The following DDX23 variants were observed in gnomAD, a reference collection of about 807,000 sequenced individuals.
DDX23 encodes the protein probable ATP-dependent RNA helicase DDX23.
DDX23 carries 33 observed loss-of-function variants against 102.7 expected under a neutral mutation model. That is an observed-to-expected ratio of 0.32 (90% CI 0.24 to 0.43). DDX23 has a LOEUF of 0.43. DDX23 is among the 20% of genes least tolerant of loss of function. DDX23 has a pLI of 1.00. For synonymous variants in DDX23, 352 were observed against 376.0 expected (o/e 0.94, Z 0.74); for missense variants, 549 against 1,086.6 (o/e 0.51, Z 6.96).
At position 48,830,554 on chromosome 12, in the gene DDX23, G is replaced by C. The variant is rs1029623403; in HGVS notation, c.2378C>G (p.Pro793Arg). The C allele has an allele frequency of 6.2e-7, 1 of 1,613,854 alleles. No homozygotes were observed. The highest frequency in any genetic ancestry group is 8.5e-7 in the Non-Finnish European group (1 of 1,180,012). The change falls in exon 17 of 17, where the codon CCC (proline) becomes CGC (arginine). Residue 793 changes from proline to arginine, a missense_variant. Coordinates refer to ENST00000308025, the MANE Select transcript of DDX23 (RefSeq NM_004818.3). This position sits in a 1 kb window ranked among gnomAD's most constrained non-coding sequence, Gnocchi z 4.9. ...ILESPVSSCP[P>R]ELANHPDAQH... Reference sequence around the variant, plus strand: ...GGCATCTGGGTGGTTGGCTAGTTCGGGGGGACAGGAAGACACTGGGCTTTC... The same window carrying C: ...GGCATCTGGGTGGTTGGCTAGTTCGCGGGGACAGGAAGACACTGGGCTTTC...
At chr12:48,831,734 T>A (rs891869813) in intron 15 of DDX23, 7 of 443,484 alleles carry the variant, frequency 1.6e-5, no homozygotes, top group South Asian at 1.4e-4. Flanking sequence ...AGCTCCCTTC[T>A]GACCATATCA....
At chr12:48,834,190 C>T (rs1229132761) in intron 12 of DDX23, 130 bp downstream of exon 12, 2 of 788,078 alleles carry the variant, frequency 2.5e-6, no homozygotes, top group Non-Finnish European at 3.9e-6. Context: ...CATAAGTTCT[C>T]AATAAATAGC....
At position 48,836,315 on chromosome 12, in the gene DDX23, C is replaced by G. The variant is rs1182173518; in HGVS notation, c.1237-49G>C. On this transcript the variant is annotated intron_variant, in intron 10 of 16. Coordinates refer to ENST00000308025, the MANE Select transcript of DDX23 (RefSeq NM_004818.3). This position sits in a 1 kb window ranked among gnomAD's most constrained non-coding sequence, Gnocchi z 6.1. ...AATAGGTACAGGGAGAGTTATACCA[C>G]CTGGGCAACCACTGATAGTAGTAAG... 1 of 1,594,674 alleles carries G rather than the reference C, an allele frequency of 6.3e-7. No individual in the cohort carries two copies. Among genetic ancestry groups the G allele is most frequent in the South Asian group, 1.1e-5 (1 of 90,452 alleles).
intron 5 of DDX23, chr12:48,839,600 A>G: frequency 6.5e-6 from 2 of 307,224 alleles, no homozygotes; most frequent in Non-Finnish European, 6.0e-6. Context: ...TTTTAGGGTG[A>G]GCCCTAATCC....
rs7164 is a variant in DDX23 at position 48,829,936 on chromosome 12, C to T, written c.*533G>A. The stretch of plus-strand genomic sequence containing the variant: ...CTAGAGCATACAGCACCCCTTGGTG[C>T]GGGGCTGTGCACAGGTCTAAAGACT... On this transcript the variant is annotated 3_prime_UTR_variant, in exon 17 of 17. Coordinates refer to ENST00000308025, the MANE Select transcript of DDX23 (RefSeq NM_004818.3). 129,794 of 330,294 alleles carry T rather than the reference C, an allele frequency of 0.39. 27,493 individuals are homozygous for T. The highest frequency in any genetic ancestry group is 0.57 in the East Asian group (7,209 of 12,552). The allele number at this position is 330,294 out of a possible 1,614,324, so 20.5% of individuals were successfully genotyped here. A position where few individuals can be genotyped will look rare whatever the true frequency, so the allele number is the denominator to read the frequency against.
At chr12:48,831,764 A>C in intron 15 of DDX23, 1 of 467,198 alleles carries the variant, frequency 2.1e-6, no homozygotes, top group South Asian at 2.8e-5. Flanking sequence ...AACGTACCTA[A>C]GCAGTTTTCA....
intron 4 of DDX23, 50 bp downstream of exon 4, chr12:48,839,963 A>G (rs1437593979): frequency 6.2e-7 from 1 of 1,613,582 alleles, no homozygotes; most frequent in South Asian, 1.1e-5. Flanking sequence ...TTAAAGATCA[A>G]CAAAGCAACG....
At chr12:48,833,629 C>T in intron 12 of DDX23, 110 bp from the exon 13 acceptor site, 2 of 1,363,966 alleles carry the variant, frequency 1.5e-6, no homozygotes, top group Middle Eastern at 2.2e-4. Flanking sequence ...GGAACTTGGA[C>T]CCCAACCTCT....
rs1938467696 is a variant in DDX23 at position 48,836,331 on chromosome 12, T to G, written c.1237-65A>C. The G allele has an allele frequency of 7.0e-6, 11 of 1,564,512 alleles. No individual in the cohort carries two copies. The South Asian group carries it at 1.0e-4, about 14-fold the overall frequency. On this transcript the variant is annotated intron_variant, in intron 10 of 16. Transcript: ENST00000308025. This position sits in a 1 kb window ranked among gnomAD's most constrained non-coding sequence, Gnocchi z 6.1. ...GTTATACCACCTGGGCAACCACTGATAGTAGTAAGCACATCTGCTAGCACA... is the reference window on the plus strand; with the variant it reads ...GTTATACCACCTGGGCAACCACTGAGAGTAGTAAGCACATCTGCTAGCACA...
In DDX23 at chr12:48,852,090, G is replaced by C. The variant is rs1027189520; in HGVS notation, c.-7C>G. On this transcript the variant is annotated 5_prime_UTR_variant, in exon 1 of 17. Transcript: ENST00000308025. Reference sequence around the variant, plus strand: ...TCCACCGCCCGGGACTCACCACCCTGAGTCTGAACCGCCCAACGCGGCCTC... The same window carrying C: ...TCCACCGCCCGGGACTCACCACCCTCAGTCTGAACCGCCCAACGCGGCCTC... 6.6e-6 allele frequency: 1 copy of C among 152,408 alleles called. No individual in the cohort carries two copies. The highest frequency in any genetic ancestry group is 1.5e-5 in the Non-Finnish European group (1 of 68,178). 9.4% of individuals were successfully genotyped at this position (152,408 alleles called of 1,614,324 possible).
At chr12:48,845,829 A>G (rs775862082) in intron 1 of DDX23, 47 bp from the exon 2 acceptor site, 6 of 1,582,232 alleles carry the variant, frequency 3.8e-6, no homozygotes, top group East Asian at 4.5e-5. Flanking sequence ...GCACTGCTCT[A>G]AACTGCTTAT....
At chr12:48,851,306 T>C (rs148348047) in intron 1 of DDX23, among the ~76,000 whole-genome samples, 1 of 152,232 alleles carries the variant, frequency 6.6e-6, no homozygotes, top group East Asian at 1.9e-4. Flanking sequence ...ACCCCGTCTC[T>C]ACTAAAAATA....
chr12:48,842,399 G>T (rs1337574818), intron 3 of DDX23, among the ~76,000 whole-genome samples: 7 of 144,252 alleles, frequency 4.9e-5, no homozygotes, highest in Non-Finnish European at 1.1e-4. Context: ...GGAAGGAGGT[G>T]GGGGAGGTCA....
In DDX23 at chr12:48,836,848, T is replaced by C. The variant is rs772289320; in HGVS notation, c.1010+46A>G. The C allele has an allele frequency of 3.1e-6, 5 of 1,613,592 alleles. No homozygotes were observed. Among genetic ancestry groups the C allele is most frequent in the Non-Finnish European group, 2.5e-6 (3 of 1,179,582 alleles). Reference sequence around the variant, plus strand: ...ATCAGTGCCCTCCAACTCCTTTCTGTAGAGCCTCTGGGCTCTGTCCAGCCA... The same window carrying C: ...ATCAGTGCCCTCCAACTCCTTTCTGCAGAGCCTCTGGGCTCTGTCCAGCCA... On this transcript the variant is annotated intron_variant, in intron 9 of 16. Transcript: ENST00000308025. This position sits in a 1 kb window ranked among gnomAD's most constrained non-coding sequence, Gnocchi z 6.1.
chr12:48,838,123 G>A (rs1938492137), intron 5 of DDX23, 43 bp from the exon 6 acceptor site: 6 of 1,611,102 alleles, frequency 3.7e-6, no homozygotes, highest in Admixed American at 1.7e-5. Flanking sequence ...TCTGGGAGCA[G>A]GGTACAATCA....
rs1046027169 is a variant in DDX23, at chr12:48,837,941, C to A, written c.619+1G>T. ...GGGCTACACAGGGTAGAATAACAAA[C>A]CCAACATCTTCCTGCCCAAGTCTTG... On this transcript the variant is annotated splice_donor_variant, in intron 6 of 16. Transcript: ENST00000308025. LOFTEE classifies it high-confidence loss of function. The A allele has an allele frequency of 1.2e-6, 2 of 1,612,438 alleles. No homozygotes were observed.
chr12:48,838,719 G>A (rs1938501374), intron 5 of DDX23, among the ~76,000 whole-genome samples: 1 of 151,904 alleles, frequency 6.6e-6, no homozygotes, highest in Non-Finnish European at 1.5e-5. Flanking sequence ...CAGGCATGGT[G>A]GCACGTGCCT....
chr12:48,845,816 T>C, intron 1 of DDX23, 34 bp from the exon 2 acceptor site: 6 of 1,604,302 alleles, frequency 3.7e-6, no homozygotes, highest in Non-Finnish European at 5.1e-6. Flanking sequence ...TACAATGTAC[T>C]AGGCACTGCT....
rs1296409243 is a variant in DDX23 at position 48,840,021 on chromosome 12, T to C, written c.406A>G (p.Lys136Glu). Residue 136 changes from lysine to glutamate, a missense_variant, in exon 4 of 17, where the codon AAG becomes GAG. Lys to Glu is a moderately conservative substitution (Grantham distance 56). This residue lies in a region of DDX23 where 241 missense variants were observed against 267.0 expected (regional missense o/e 0.90). Transcript: ENST00000308025. The part of the protein sequence containing the change: ...KDEEDEHGDK[K>E]PKAQPLSLEE... Reference sequence around the variant, plus strand: ...TCCTTCCTCTCCTTTACCTTAGGCTTCTTATCACCATGTTCATCCTCTTCA... The same window carrying C: ...TCCTTCCTCTCCTTTACCTTAGGCTCCTTATCACCATGTTCATCCTCTTCA... 1 of 1,614,054 alleles carries C rather than the reference T, an allele frequency of 6.2e-7. No homozygotes were observed. The highest frequency in any genetic ancestry group is 8.5e-7 in the Non-Finnish European group (1 of 1,179,870).
Sources: allele counts gnomAD v4.1 joint callset (sites outside exome capture counted in the v4.1 genomes callset), GRCh38; gene constraint gnomAD v4.1.1; regional missense constraint gnomAD v4.1.1; non-coding constraint Gnocchi (gnomAD v3.1); transcripts MANE v1.5; gene names NCBI Gene and HGNC (gene_info 2026-07-23, HGNC 2026-07-21).